RHBDD2: variants seen among roughly 807,000 people sequenced by gnomAD.
RHBDD2 encodes rhomboid domain containing 2.
Under a neutral mutation model 21.7 loss-of-function variants are expected in RHBDD2, and 13 were observed. The observed-to-expected ratio is 0.60, with a 90% CI of 0.39 to 0.95. The LOEUF is 0.95. RHBDD2 is among the 40% of genes least tolerant of loss of function. The probability of loss-of-function intolerance (pLI) is 0.00; values close to 1 mark genes in which losing one functional copy is unlikely to be tolerated. For synonymous variants in RHBDD2, 225 were observed against 220.0 expected, an observed-to-expected ratio of 1.02 and a Z score of -0.20; for missense variants, 473 against 478.9, an observed-to-expected ratio of 0.99 and a Z score of 0.11.
chr7:75,879,126 C>A lies in RHBDD2; in HGVS notation c.44C>A (p.Pro15His). The A allele has an allele frequency of 7.0e-7, 1 of 1,430,632 alleles. No homozygotes were observed. Among genetic ancestry groups the A allele is most frequent in the South Asian group, 1.4e-5 (1 of 71,344 alleles). 88.6% of individuals were successfully genotyped at this position (1,430,632 alleles called of 1,614,324 possible). The change falls in exon 1 of 4, where the codon CCC becomes CAC. Residue 15 changes from proline to histidine, a missense_variant. By Grantham distance (77) the Pro-to-His change is moderately conservative (BLOSUM62 -2). Coordinates refer to ENST00000006777, the MANE Select transcript of RHBDD2 (RefSeq NM_001040456.3). The part of the protein sequence containing the change: ...GPGCRSWCLC[P>H]EVPSATFFTA... ...GGGTGTCGCAGCTGGTGCTTGTGTC[C>A]CGAGGTGCCATCCGCCACCTTCTTC...
At chr7:75,881,223 T>A in intron 1 of RHBDD2, 1 of 629,470 alleles carries the variant, frequency 1.6e-6, no homozygotes, top group Non-Finnish European at 2.5e-6. Context: ...TTATTACATA[T>A]AAAGCATCAG....
chr7:75,884,305 TCA>T (rs1554543292), intron 3 of RHBDD2, among the ~76,000 whole-genome samples: 1 of 152,136 alleles, frequency 6.6e-6, no homozygotes, highest in African/African-American at 2.4e-5. Context: ...CGCTACAGCC[TCA>T]CACTCGTGGA....
chr7:75,885,799 G>T (rs1194546607), intron 3 of RHBDD2, among the ~76,000 whole-genome samples: 1 of 152,042 alleles, frequency 6.6e-6, no homozygotes, highest in African/African-American at 2.4e-5. Flanking sequence ...AGCCACTCAC[G>T]CAAGGTCTGC....
Position 75,887,987 on chromosome 7 carries a change from T to C in RHBDD2, c.738-5T>C. 6.2e-7 allele frequency: 1 copy of C among 1,609,870 alleles called. No individual in the cohort carries two copies. The highest frequency in any genetic ancestry group is 8.5e-7 in the Non-Finnish European group (1 of 1,177,440). ...AGGACCATTTTCTCTCTTGTTCCAT[T>C]CCAGACTGAACCCGGTGCCTGGCTC... On this transcript the variant is annotated splice_polypyrimidine_tract_variant and splice_region_variant and intron_variant, in intron 3 of 3. Coordinates refer to ENST00000006777, the MANE Select transcript of RHBDD2 (RefSeq NM_001040456.3).
chr7:75,884,134 T>A (rs1157509401), intron 3 of RHBDD2, among the ~76,000 whole-genome samples: 1 of 152,046 alleles, frequency 6.6e-6, no homozygotes, highest in Non-Finnish European at 1.5e-5. Flanking sequence ...ACCTTGTGAT[T>A]TACCTGCCTC....
chr7:75,886,876 C>CCCAGTG (rs1805708501), intron 3 of RHBDD2, among the ~76,000 whole-genome samples: 1 of 151,930 alleles, frequency 6.6e-6, no homozygotes. Flanking sequence ...CACTGCCACA[C>CCCAGTG]CCAGTGCCAG....
intron 3 of RHBDD2, among the ~76,000 whole-genome samples, chr7:75,885,033 G>A (rs1367196291): frequency 1.3e-5 from 2 of 150,790 alleles, no homozygotes; most frequent in African/African-American, 4.9e-5. Context: ...AGAATCACTC[G>A]AACCTGGGAG....
At chr7:75,885,207 A>T (rs1468562264) in intron 3 of RHBDD2, among the ~76,000 whole-genome samples, 2 of 151,856 alleles carry the variant, frequency 1.3e-5, no homozygotes, top group African/African-American at 4.8e-5. Flanking sequence ...GGTGAGGTTT[A>T]CTGTTTTCCA....
At chr7:75,885,733 C>T (rs967438170) in intron 3 of RHBDD2, among the ~76,000 whole-genome samples, 9 of 152,118 alleles carry the variant, frequency 5.9e-5, no homozygotes, top group Admixed American at 2.6e-4. Flanking sequence ...GGCTCTTAAA[C>T]ACCCAGCTCT....
intron 3 of RHBDD2, among the ~76,000 whole-genome samples, chr7:75,887,632 TTC>T (rs1805759239): frequency 6.6e-6 from 1 of 152,032 alleles, no homozygotes; most frequent in Non-Finnish European, 1.5e-5. Context: ...CCTGAATCCG[TTC>T]TCTTTGGGCA....
At chr7:75,885,509 C>G (rs967491984) in intron 3 of RHBDD2, among the ~76,000 whole-genome samples, 4 of 152,014 alleles carry the variant, frequency 2.6e-5, no homozygotes, top group African/African-American at 9.7e-5. Context: ...CAGTGGTCCT[C>G]CCCCCAAAAA....
intron 2 of RHBDD2, 73 bp downstream of exon 2, chr7:75,882,309 C>A: frequency 7.4e-7 from 1 of 1,358,950 alleles, no homozygotes; most frequent in Non-Finnish European, 9.9e-7. Context: ...TCTGGGGTGT[C>A]AAGTAGATAA....
chr7:75,887,530 G>A (rs1554544183), intron 3 of RHBDD2, among the ~76,000 whole-genome samples: 1 of 151,554 alleles, frequency 6.6e-6, no homozygotes. Context: ...CATCATGTTG[G>A]CCAGGCTAGT....
Position 75,888,063 on chromosome 7 carries a change from C to T in RHBDD2, c.809C>T (p.Ser270Phe). Residue 270 changes from serine (S) to phenylalanine (F), a missense_variant, in exon 4 of 4, where the codon TCC becomes TTC. Coordinates refer to ENST00000006777, the MANE Select transcript of RHBDD2 (RefSeq NM_001040456.3). ...CACCTGTCCCCAAGCCACCCTGTGT[C>T]CCAGACGCAGCACGCCAGTGGTCAG... ...HPHLSPSHPV[S>F]QTQHASGQKL... The T allele has an allele frequency of 6.2e-7, 1 of 1,613,838 alleles. No individual in the cohort carries two copies. Among genetic ancestry groups the T allele is most frequent in the Non-Finnish European group, 8.5e-7 (1 of 1,180,046 alleles).
chr7:75,888,721 C>T lies in RHBDD2; in HGVS notation c.*372C>T. The T allele has an allele frequency of 3.7e-6, 1 of 267,408 alleles. No individual in the cohort carries two copies. Among genetic ancestry groups the T allele is most frequent in the Non-Finnish European group, 7.3e-6 (1 of 137,892 alleles). 16.6% of individuals were successfully genotyped at this position (267,408 alleles called of 1,614,324 possible). ...TGTGCCGTGCTCGTGGTTTCAGTGT[C>T]CGTGTGTCCATGTGTCTGCCCTTCA... is the stretch of plus-strand genomic sequence containing the variant. On this transcript the variant is annotated 3_prime_UTR_variant, in exon 4 of 4. Transcript: ENST00000006777.
Position 75,888,095 on chromosome 7 carries a change from G to A in RHBDD2, c.841G>A (p.Ala281Thr), listed in dbSNP as rs548238157. Reference sequence around the variant, plus strand: ...GCAGCACGCCAGTGGTCAGAAGCTGGCCTCCTGGCCCTCCTGCACCCCCGG... The same window carrying A: ...GCAGCACGCCAGTGGTCAGAAGCTGACCTCCTGGCCCTCCTGCACCCCCGG... ...QTQHASGQKL[A>T]SWPSCTPGHM... Residue 281 changes from alanine (A) to threonine (T), a missense_variant, in exon 4 of 4, where the codon GCC (alanine) becomes ACC (threonine). Ala to Thr is a moderately conservative substitution (Grantham distance 58, BLOSUM62 0). Transcript: ENST00000006777. 24 of 1,613,766 alleles carry A rather than the reference G, an allele frequency of 1.5e-5. No individual in the cohort carries two copies. The South Asian group carries it at 2.1e-4, about 14-fold the overall frequency.
At position 75,887,973 on chromosome 7, in the gene RHBDD2, C is replaced by G. The variant is rs781845930; in HGVS notation, c.738-19C>G. ...CCAAGACTCGCTGAAGGACCATTTT[C>G]TCTCTTGTTCCATTCCAGACTGAAC... On this transcript the variant is annotated intron_variant, in intron 3 of 3. Coordinates refer to ENST00000006777, the MANE Select transcript of RHBDD2 (RefSeq NM_001040456.3). 4 of 1,593,226 alleles carry G rather than the reference C, an allele frequency of 2.5e-6. No individual in the cohort carries two copies. Among genetic ancestry groups the G allele is most frequent in the Non-Finnish European group, 3.4e-6 (4 of 1,164,464 alleles).
At chr7:75,883,880 T>G (rs1554543172) in intron 3 of RHBDD2, 32 bp downstream of exon 3, 1 of 1,539,896 alleles carries the variant, frequency 6.5e-7, no homozygotes, top group South Asian at 1.2e-5. Flanking sequence ...TGCTGTTAAA[T>G]CTTTTTTAAA....
intron 1 of RHBDD2, among the ~76,000 whole-genome samples, chr7:75,879,992 C>G (rs1585053244): frequency 1.3e-5 from 2 of 152,318 alleles, no homozygotes; most frequent in Middle Eastern, 6.8e-3. Context: ...AAAGCACACA[C>G]ACTGATATGT....
Sources: gnomAD v4.1 joint callset for allele counts (sites outside exome capture counted in the v4.1 genomes callset) on GRCh38, gnomAD v4.1.1 for gene constraint, MANE v1.5 for transcripts, NCBI Gene and HGNC (gene_info 2026-07-23, HGNC 2026-07-21) for gene names.